Variants in PSIP1 observed in about 807,000 individuals in gnomAD.
The protein encoded by PSIP1 is PC4 and SRSF1 interacting protein 1.
Under a neutral mutation model 74.7 loss-of-function variants are expected in PSIP1, and 19 were observed. The ratio of observed to expected loss-of-function variants is 0.25; its 90% CI spans 0.18 to 0.37. The LOEUF is 0.37. Ranked by LOEUF, PSIP1 falls within the 10% of genes least tolerant of loss-of-function variation. PSIP1 has a pLI of 1.00. For synonymous variants in PSIP1, 222 were observed against 195.3 expected (o/e 1.14, Z -1.14); for missense variants, 601 against 614.3 (o/e 0.98, Z 0.23).
chr9:15,466,170 G>C (rs2035611395), intron 15 of PSIP1, among the ~76,000 whole-genome samples: 2 of 152,224 alleles, frequency 1.3e-5, no homozygotes, highest in Admixed American at 6.5e-5. Flanking sequence ...CTGAGGTCAG[G>C]AGTTCGAGGC....
At chr9:15,471,407 C>A in intron 10 of PSIP1, 3 of 1,495,314 alleles carry the variant, frequency 2.0e-6, no homozygotes, top group Non-Finnish European at 2.7e-6. Context: ...TCAAAAGAAA[C>A]TGAAATACAT....
At chr9:15,478,573 AAATC>A in intron 7 of PSIP1, 21 bp from the exon 8 acceptor site, 1 of 1,497,148 alleles carries the variant, frequency 6.7e-7, no homozygotes, top group Non-Finnish European at 9.3e-7. Context: ...CATGGAAAAA[AAATC>A]AGTAACTACT....
chr9:15,478,687 T>A (rs2036204577), intron 7 of PSIP1, 135 bp from the exon 8 acceptor site: 1 of 588,664 alleles, frequency 1.7e-6, no homozygotes, highest in East Asian at 3.1e-5. Flanking sequence ...TATTGCTAAA[T>A]TGAAAAAATA....
chr9:15,484,609 C>G (rs915093360), intron 6 of PSIP1, among the ~76,000 whole-genome samples: 15 of 151,934 alleles, frequency 9.9e-5, no homozygotes, highest in African/African-American at 3.4e-4. Context: ...CACCCGTAAT[C>G]CCAGCTAATC....
chr9:15,483,666 C>A (rs2036433551), intron 6 of PSIP1, among the ~76,000 whole-genome samples: 1 of 152,124 alleles, frequency 6.6e-6, no homozygotes, highest in African/African-American at 2.4e-5. Flanking sequence ...TACTAAAATT[C>A]TGAATGAATT....
At chr9:15,505,827 C>T (rs925960045) in intron 3 of PSIP1, 1 of 152,190 alleles carries the variant, frequency 6.6e-6, no homozygotes, top group African/African-American at 2.4e-5. Context: ...CTTAGGAATA[C>T]ATAATTCTAA....
chr9:15,487,710 A>G (rs965397640), intron 4 of PSIP1, among the ~76,000 whole-genome samples: 2 of 152,248 alleles, frequency 1.3e-5, no homozygotes, highest in East Asian at 1.9e-4. Context: ...GGCAATAATG[A>G]TAAGAAACCA....
At position 15,470,011 on chromosome 9, in the gene PSIP1, A is replaced by C. The variant is rs769848681; in HGVS notation, c.978-18T>G. ...TATTCTGCCTATCAAATGTTAACAA[A>C]AATATTTCAACACATTGGAATTTTG... On this transcript the variant is annotated intron_variant, in intron 10 of 15. Transcript: ENST00000380733. The C allele has an allele frequency of 3.2e-6, 5 of 1,586,940 alleles. No homozygotes were observed. The South Asian group carries it at 5.5e-5, about 18-fold the overall frequency.
intron 11 of PSIP1, among the ~76,000 whole-genome samples, 185 bp from the exon 12 acceptor site, chr9:15,469,521 T>G (rs556801809): frequency 6.6e-6 from 1 of 152,252 alleles, no homozygotes; most frequent in African/African-American, 2.4e-5. Flanking sequence ...TTTTTAGTGG[T>G]TGAGAAAAGC....
intron 6 of PSIP1, among the ~76,000 whole-genome samples, chr9:15,484,941 G>A (rs555688581): frequency 5.3e-5 from 8 of 151,320 alleles, no homozygotes; most frequent in South Asian, 4.2e-4. Flanking sequence ...AAAATTAGCC[G>A]GGTATGGTGG....
chr9:15,469,173 C>G (rs2035741841), intron 12 of PSIP1, 93 bp downstream of exon 12: 2 of 1,317,464 alleles, frequency 1.5e-6, no homozygotes, highest in Non-Finnish European at 2.1e-6. Flanking sequence ...AGTAATTATC[C>G]CTTAAATTTA....
At chr9:15,472,093 T>C (rs2035861342) in intron 10 of PSIP1, 1 of 982,390 alleles carries the variant, frequency 1.0e-6, no homozygotes, top group Non-Finnish European at 1.2e-6. Context: ...TCTATAAGTA[T>C]CAAAATTTAA....
At chr9:15,499,181 G>A (rs1025284870) in intron 3 of PSIP1, among the ~76,000 whole-genome samples, 1 of 152,096 alleles carries the variant, frequency 6.6e-6, no homozygotes, top group East Asian at 1.9e-4. Context: ...CCTTAAAGAG[G>A]TTTTGGACTT....
intron 3 of PSIP1, among the ~76,000 whole-genome samples, chr9:15,504,640 G>A (rs1483450525): frequency 6.6e-6 from 1 of 151,962 alleles, no homozygotes; most frequent in Admixed American, 6.6e-5. Context: ...GGGAGGCTGA[G>A]GCAGGAGAAT....
intron 10 of PSIP1, chr9:15,470,934 T>TAAAAAAAA (rs58019501): frequency 2.1e-6 from 2 of 937,484 alleles, no homozygotes; most frequent in Admixed American, 8.1e-5. Flanking sequence ...TAAGCTTGGT[T>TAAAAAAAA]AAAAAAAAAA....
At chr9:15,492,071 C>T (rs968914167) in intron 3 of PSIP1, 2 of 152,084 alleles carry the variant, frequency 1.3e-5, no homozygotes, top group East Asian at 1.9e-4. Flanking sequence ...TGCCCCTGCC[C>T]CCTCTCTCAA....
intron 8 of PSIP1, among the ~76,000 whole-genome samples, chr9:15,474,793 CA>C (rs2036003360): frequency 1.3e-5 from 2 of 152,050 alleles, no homozygotes; most frequent in South Asian, 4.1e-4. Flanking sequence ...TCAAATAATG[CA>C]AATACTAACC....
At position 15,506,619 on chromosome 9, in the gene PSIP1, C is replaced by T. The variant is rs1293269200; in HGVS notation, c.91G>A (p.Gly31Arg). 1 of 1,611,600 alleles carries T rather than the reference C, an allele frequency of 6.2e-7. No homozygotes were observed. The highest frequency in any genetic ancestry group is 8.5e-7 in the Non-Finnish European group (1 of 1,178,138). ...WPARVDEVPD[G>R]AVKPPTNKLP... ...TTGTTTGTGGGTGGCTTTACAGCTC[C>T]ATCAGGAACTTCGTCTACCTAAAAG... Residue 31 changes from glycine (G) to arginine (R), a missense_variant, in exon 3 of 16, where the codon GGA becomes AGA. Physicochemically the swap from Gly to Arg is moderately radical, Grantham distance 125. Transcript: ENST00000380733.
chr9:15,472,892 G>A, intron 9 of PSIP1, 142 bp from the exon 10 acceptor site: 2 of 722,720 alleles, frequency 2.8e-6, no homozygotes, highest in East Asian at 2.7e-5. Flanking sequence ...AATAGTCTTT[G>A]AATTACACCT....
Sources: allele counts gnomAD v4.1 joint callset (sites outside exome capture counted in the v4.1 genomes callset), GRCh38; gene constraint gnomAD v4.1.1; transcripts MANE v1.5; gene names NCBI Gene and HGNC (gene_info 2026-07-23, HGNC 2026-07-21).